Variants in STUM observed in about 807,000 individuals in gnomAD.
STUM encodes stum, mechanosensory transduction mediator homolog, also known as protein stum homolog.
A neutral mutation model predicts 15.3 loss-of-function variants in STUM; 8 were observed. The ratio of observed to expected loss-of-function variants is 0.52; its 90% CI spans 0.31 to 0.94. The LOEUF (loss-of-function observed/expected upper bound fraction) is 0.94. Among genes scored for constraint, STUM ranks in the 40% least tolerant of loss-of-function variants. The pLI, the probability that STUM is intolerant of heterozygous loss-of-function variation, is 0.05. For synonymous variants in STUM, 78 were observed against 88.7 expected, an observed-to-expected ratio of 0.88 and a Z score of 0.68; for missense variants, 142 against 204.9, an observed-to-expected ratio of 0.69 and a Z score of 1.87.
chr1:226,576,314 T>G (rs1260866050), intron 1 of STUM, among the ~76,000 whole-genome samples: 1 of 152,212 alleles, frequency 6.6e-6, no homozygotes, highest in Non-Finnish European at 1.5e-5. Flanking sequence ...GGCTGGGTAT[T>G]CTGGGGTTCC....
intron 1 of STUM, among the ~76,000 whole-genome samples, chr1:226,589,600 G>A (rs1386588867): frequency 3.3e-5 from 5 of 152,204 alleles, no homozygotes; most frequent in Non-Finnish European, 2.9e-5. Flanking sequence ...ATGGTAGGAC[G>A]TGCAAACCAC....
In STUM at chr1:226,565,666, C is replaced by T. The variant is rs566902494; in HGVS notation, c.202+16560C>T. The stretch of plus-strand genomic sequence containing the variant: ...GGTGGAGACTTGAGAAGGTGCTAGG[C>T]GTGACTCCCTGCCCGGCTCCTGCCT... On this transcript the variant is annotated intron_variant, in intron 1 of 3. Coordinates refer to ENST00000366788, the MANE Select transcript of STUM (RefSeq NM_001003665.4). The surrounding 1 kb of genome is among the most constrained non-coding windows in gnomAD (Gnocchi z 4.4). 8.5e-5 allele frequency among the ~76,000 whole-genome samples: 13 copies of T among 152,230 alleles called. No homozygotes were observed. In the South Asian group the frequency reaches 2.1e-3, roughly 24 times the overall value.
At chr1:226,569,005 T>TTGCTGTGCCCAG (rs1667665397) in intron 1 of STUM, among the ~76,000 whole-genome samples, 1 of 93,894 alleles carries the variant, frequency 1.1e-5, no homozygotes, top group African/African-American at 5.4e-5. Context: ...GCTGTGCCCA[T>TTGCTGTGCCCAG]GCATGTGCCC....
chr1:226,600,615 T>C lies in STUM; in HGVS notation c.383-51T>C, dbSNP rs1475690448. The C allele has an allele frequency of 1.2e-6, 2 of 1,607,916 alleles. No homozygotes were observed. The highest frequency in any genetic ancestry group is 8.5e-7 in the Non-Finnish European group (1 of 1,178,794). On this transcript the variant is annotated intron_variant, in intron 2 of 3. Coordinates refer to ENST00000366788, the MANE Select transcript of STUM (RefSeq NM_001003665.4). The surrounding 1 kb of genome is among the most constrained non-coding windows in gnomAD (Gnocchi z 5.2). Reference sequence around the variant, plus strand: ...TCTGTTTTCAGGCTGTGTTTTCTCTTCTTCTCTCTCTCCTCTTCCTCCTGC... The same window carrying C: ...TCTGTTTTCAGGCTGTGTTTTCTCTCCTTCTCTCTCTCCTCTTCCTCCTGC...
chr1:226,575,519 G>A (rs961098035), intron 1 of STUM, among the ~76,000 whole-genome samples: 1 of 152,246 alleles, frequency 6.6e-6, no homozygotes, highest in Non-Finnish European at 1.5e-5. Flanking sequence ...GCGAGGCCTG[G>A]CTGGGCTCTG....
Position 226,567,287 on chromosome 1 carries a change from C to T in STUM, c.202+18181C>T, listed in dbSNP as rs1251567486. On this transcript the variant is annotated intron_variant, in intron 1 of 3. Transcript: ENST00000366788. The surrounding 1 kb of genome is among the most constrained non-coding windows in gnomAD (Gnocchi z 4.5). ...TATCCAACGGGTGGTGACGGCCCCG[C>T]GGGCTCTTTTCTCAAACCAGATTCG... Among the ~76,000 whole-genome samples the T allele has an allele frequency of 2.0e-5, 3 of 152,192 alleles. No individual in the cohort carries two copies. The highest frequency in any genetic ancestry group is 1.9e-4 in the East Asian group (1 of 5,200).
chr1:226,606,133 G>A lies in STUM; in HGVS notation c.*4093G>A, dbSNP rs41305727. 1,494 of 152,368 alleles carry A rather than the reference G, an allele frequency of 9.8e-3. 17 individuals are homozygous for A. The highest frequency in any genetic ancestry group is 0.015 in the Non-Finnish European group (1,040 of 68,050). 9.4% of individuals were successfully genotyped at this position (152,368 alleles called of 1,614,324 possible). On this transcript the variant is annotated 3_prime_UTR_variant, in exon 4 of 4. Transcript: ENST00000366788. ...GCACAGATCCCAACACCAAGTGTAA[G>A]GCAGCACAAAGTGGGTCTGAAACCC...
intron 1 of STUM, among the ~76,000 whole-genome samples, chr1:226,591,707 G>A (rs1209513535): frequency 6.6e-6 from 1 of 152,336 alleles, no homozygotes; most frequent in Non-Finnish European, 1.5e-5. Flanking sequence ...CAAGGACAAA[G>A]TTTCCTTATG....
intron 1 of STUM, among the ~76,000 whole-genome samples, chr1:226,578,224 CTTT>C (rs1231569894): frequency 6.6e-6 from 1 of 151,892 alleles, no homozygotes; most frequent in Non-Finnish European, 1.5e-5. Flanking sequence ...TCAATTTTTT[CTTT>C]ATTTTTAATT....
chr1:226,562,686 T>A (rs1667562654), intron 1 of STUM, among the ~76,000 whole-genome samples: 1 of 152,106 alleles, frequency 6.6e-6, no homozygotes, highest in Admixed American at 6.5e-5. Context: ...TTCTACAAGG[T>A]ACCTGGCCTG....
Position 226,548,982 on chromosome 1 carries a change from C to G in STUM, c.78C>G (p.Ser26=), listed in dbSNP as rs759612656. 5.2e-6 allele frequency: 8 copies of G among 1,527,462 alleles called. No individual in the cohort carries two copies. Among genetic ancestry groups the G allele is most frequent in the Non-Finnish European group, 7.0e-6 (8 of 1,139,722 alleles). 94.6% of individuals were successfully genotyped at this position (1,527,462 alleles called of 1,614,324 possible). A position where few individuals can be genotyped will look rare whatever the true frequency, so the allele number is the denominator to read the frequency against. The part of the protein sequence containing the change: ...AVAAADPRGA[S]SSSGVVVQVR... ...CGGCGGCGGACCCCCGGGGGGCGTC[C>G]TCGTCCAGCGGGGTGGTGGTGCAGG... Residue 26 remains serine (S), a synonymous_variant, in exon 1 of 4, where the codon TCC becomes TCG. Transcript: ENST00000366788.
rs1208477398 is a variant in STUM, at chr1:226,605,055, C to A, written c.*3015C>A. On this transcript the variant is annotated 3_prime_UTR_variant, in exon 4 of 4. Transcript: ENST00000366788. The surrounding 1 kb of genome is among the most constrained non-coding windows in gnomAD (Gnocchi z 4.0). ...TTGAGCTCTGAGTCAGTTTCAGAAC[C>A]AAGGATCTCAGGCTGAGAAGGCCAG... 1 of 152,266 alleles carries A rather than the reference C, an allele frequency of 6.6e-6. No homozygotes were observed. Among genetic ancestry groups the A allele is most frequent in the Non-Finnish European group, 1.5e-5 (1 of 68,116 alleles). 9.4% of individuals were successfully genotyped at this position (152,266 alleles called of 1,614,324 possible).
At chr1:226,555,059 CT>C (rs1558276802) in intron 1 of STUM, among the ~76,000 whole-genome samples, 1 of 152,194 alleles carries the variant, frequency 6.6e-6, no homozygotes, top group East Asian at 1.9e-4. Flanking sequence ...TCCTGAAATG[CT>C]TTCTTTACTT....
intron 1 of STUM, among the ~76,000 whole-genome samples, chr1:226,557,517 T>C (rs1310290510): frequency 6.6e-6 from 1 of 152,246 alleles, no homozygotes; most frequent in Non-Finnish European, 1.5e-5. Flanking sequence ...TTGTGGGTCA[T>C]ATGGTCATTC....
intron 1 of STUM, among the ~76,000 whole-genome samples, chr1:226,584,652 C>T (rs78356571): frequency 0.034 from 5,172 of 152,266 alleles, 93 homozygotes; most frequent in South Asian, 0.052. Context: ...GGAACAACAC[C>T]GTAGGATTGG....
At chr1:226,593,295 C>T (rs892149748) in intron 1 of STUM, among the ~76,000 whole-genome samples, 5 of 152,144 alleles carry the variant, frequency 3.3e-5, no homozygotes, top group South Asian at 2.1e-4. Flanking sequence ...CCGTTTCCTG[C>T]AGGTTGGGGG....
chr1:226,597,550 G>A (rs1392020986), intron 2 of STUM: 7 of 451,182 alleles, frequency 1.6e-5, no homozygotes, highest in South Asian at 8.2e-5. Flanking sequence ...CAGTGTCAGA[G>A]GTAAGCTGAG....
intron 1 of STUM, 128 bp from the exon 2 acceptor site, chr1:226,596,674 G>A (rs1332381372): frequency 5.0e-6 from 4 of 797,998 alleles, no homozygotes; most frequent in East Asian, 2.5e-5. Flanking sequence ...AGGACAGGGT[G>A]CCAGACATCG....
At position 226,560,947 on chromosome 1, in the gene STUM, G is replaced by A. The variant is rs994827245; in HGVS notation, c.202+11841G>A. 2.0e-5 allele frequency among the ~76,000 whole-genome samples: 3 copies of A among 152,260 alleles called. No homozygotes were observed. The East Asian group carries it at 5.8e-4, about 29-fold the overall frequency. On this transcript the variant is annotated intron_variant, in intron 1 of 3. Coordinates refer to ENST00000366788, the MANE Select transcript of STUM (RefSeq NM_001003665.4). The stretch of plus-strand genomic sequence containing the variant: ...TTACCCATTCTTTCCCTCGCTTTAT[G>A]TAGGCCTTTATTTGGGAGCATTGTT...
Sources: gnomAD v4.1 joint callset for allele counts (sites outside exome capture counted in the v4.1 genomes callset) on GRCh38, gnomAD v4.1.1 for gene constraint, Gnocchi (gnomAD v3.1) non-coding constraint, MANE v1.5 for transcripts, NCBI Gene and HGNC (gene_info 2026-07-23, HGNC 2026-07-21) for gene names.